The following SLC24A3 variants were observed in gnomAD, a reference collection of about 807,000 sequenced individuals.
The protein encoded by SLC24A3 is solute carrier family 24 member 3.
Under a neutral mutation model 75.8 loss-of-function variants are expected in SLC24A3, and 28 were observed. That is an observed-to-expected ratio of 0.37 (90% CI 0.27 to 0.51). SLC24A3 has a LOEUF of 0.51. SLC24A3 is among the 20% of genes least tolerant of loss of function. SLC24A3 has a pLI of 0.94. For synonymous variants in SLC24A3, 372 were observed against 334.1 expected (o/e 1.11, Z -1.24); for missense variants, 663 against 847.8 (o/e 0.78, Z 2.71).
At chr20:19,567,735 G>A (rs1008583706) in intron 3 of SLC24A3, among the ~76,000 whole-genome samples, 1 of 152,152 alleles carries the variant, frequency 6.6e-6, no homozygotes, top group African/African-American at 2.4e-5. Context: ...CAGAAAAATA[G>A]ATATATTGAC....
chr20:19,366,809 A>G (rs1490681251), intron 2 of SLC24A3, among the ~76,000 whole-genome samples: 2 of 152,228 alleles, frequency 1.3e-5, no homozygotes, highest in Admixed American at 6.5e-5. Context: ...AAGGTAAAAT[A>G]TCAGTAAAAG....
At chr20:19,432,122 G>A (rs953854662) in intron 2 of SLC24A3, among the ~76,000 whole-genome samples, 1 of 152,072 alleles carries the variant, frequency 6.6e-6, no homozygotes, top group African/African-American at 2.4e-5. Context: ...AGCAGGGAGA[G>A]GTCTTTGCTT....
intron 6 of SLC24A3, among the ~76,000 whole-genome samples, chr20:19,595,334 C>T (rs1347611137): frequency 6.6e-6 from 1 of 152,198 alleles, no homozygotes; most frequent in Non-Finnish European, 1.5e-5. Flanking sequence ...ATGGTAAGGG[C>T]TGAAGCATCT....
intron 2 of SLC24A3, among the ~76,000 whole-genome samples, chr20:19,404,245 A>G (rs1285801026): frequency 6.6e-6 from 1 of 152,240 alleles, no homozygotes; most frequent in Non-Finnish European, 1.5e-5. Context: ...TTAACAAAAC[A>G]GACCATGGCA....
chr20:19,476,758 A>G (rs1419141480), intron 2 of SLC24A3, among the ~76,000 whole-genome samples: 1 of 152,168 alleles, frequency 6.6e-6, no homozygotes, highest in African/African-American at 2.4e-5. Flanking sequence ...GTCAGTGTCC[A>G]TAATTATGGG....
At chr20:19,637,502 G>T (rs2032015766) in intron 6 of SLC24A3, among the ~76,000 whole-genome samples, 1 of 152,146 alleles carries the variant, frequency 6.6e-6, no homozygotes, top group African/African-American at 2.4e-5. Context: ...TTTTGAATAG[G>T]GAGTAGGCCA....
At chr20:19,616,471 G>C (rs1001212162) in intron 6 of SLC24A3, among the ~76,000 whole-genome samples, 1 of 152,202 alleles carries the variant, frequency 6.6e-6, no homozygotes, top group African/African-American at 2.4e-5. Context: ...AACATGTTAG[G>C]GGAGGTGGGG....
intron 2 of SLC24A3, among the ~76,000 whole-genome samples, chr20:19,419,370 T>C (rs922832497): frequency 2.0e-5 from 3 of 151,528 alleles, no homozygotes; most frequent in South Asian, 2.1e-4. Context: ...CTAGCTTCTT[T>C]TTTTTTTTTT....
chr20:19,294,825 T>G (rs1481715236), intron 2 of SLC24A3, among the ~76,000 whole-genome samples: 1 of 152,200 alleles, frequency 6.6e-6, no homozygotes, highest in East Asian at 1.9e-4. Context: ...CTGGGTCAAA[T>G]GGTATTTCTG....
intron 2 of SLC24A3, among the ~76,000 whole-genome samples, chr20:19,313,028 C>CTTTTTTTTTTTTT (rs747623530): frequency 1.5e-5 from 1 of 68,274 alleles, no homozygotes; most frequent in Non-Finnish European, 2.7e-5. Context: ...TTTTCTCTTG[C>CTTTTTTTTTTTTT]TTTTTTTTTT....
intron 1 of SLC24A3, among the ~76,000 whole-genome samples, chr20:19,229,606 AGT>A (rs1406063781): frequency 3.2e-5 from 3 of 94,392 alleles, no homozygotes; most frequent in East Asian, 9.4e-4. Context: ...AAGTTGTTGG[AGT>A]GTGTGTGTGT....
chr20:19,505,856 T>A (rs1988455364), intron 2 of SLC24A3, among the ~76,000 whole-genome samples: 2 of 152,202 alleles, frequency 1.3e-5, no homozygotes, highest in South Asian at 4.1e-4. Context: ...AGGTGCTTAG[T>A]ACAAAAGACA....
In SLC24A3 at chr20:19,304,478, C is replaced by G. The variant is rs142126384; in HGVS notation, c.271+23391C>G. On this transcript the variant is annotated intron_variant, in intron 2 of 16. Coordinates refer to ENST00000328041, the MANE Select transcript of SLC24A3 (RefSeq NM_020689.4). ...AAGACGTTCCATCTCATTTCCTATT[C>G]GTTAATTTGGTAGGCTTTTTTAATA... Among the ~76,000 whole-genome samples, 3 of 152,212 alleles carry G rather than the reference C, an allele frequency of 2.0e-5. No homozygotes were observed. In the South Asian group the frequency reaches 6.2e-4, roughly 32 times the overall value.
chr20:19,606,163 A>T lies in SLC24A3; in HGVS notation c.612+20619A>T, dbSNP rs546625672. On this transcript the variant is annotated intron_variant, in intron 6 of 16. Coordinates refer to ENST00000328041, the MANE Select transcript of SLC24A3 (RefSeq NM_020689.4). ...GCTCAATAGATTCCTCTCCCTGAAA[A>T]TTACCCAGGGGTGCAGGTGAGGCAG... Among the ~76,000 whole-genome samples, 3 of 152,278 alleles carry T rather than the reference A, an allele frequency of 2.0e-5. No individual in the cohort carries two copies. The South Asian group carries it at 6.2e-4, about 32-fold the overall frequency.
At chr20:19,310,151 C>A (rs879470203) in intron 2 of SLC24A3, among the ~76,000 whole-genome samples, 1 of 152,186 alleles carries the variant, frequency 6.6e-6, no homozygotes, top group Admixed American at 6.5e-5. Flanking sequence ...ACTGATTTTT[C>A]ATTTTCTTGA....
intron 9 of SLC24A3, among the ~76,000 whole-genome samples, chr20:19,681,276 T>A (rs755484830): frequency 2.6e-5 from 4 of 152,162 alleles, no homozygotes; most frequent in African/African-American, 9.7e-5. Flanking sequence ...GATCTGAAAC[T>A]TAGGCACGAT....
At chr20:19,579,929 G>C in intron 3 of SLC24A3, 71 bp from the exon 4 acceptor site, 1 of 1,144,940 alleles carries the variant, frequency 8.7e-7, no homozygotes. Context: ...CAAAGCAGAA[G>C]GTGGCTGGAC....
At chr20:19,326,189 G>A (rs1222692258) in intron 2 of SLC24A3, among the ~76,000 whole-genome samples, 1 of 152,030 alleles carries the variant, frequency 6.6e-6, no homozygotes, top group Non-Finnish European at 1.5e-5. Flanking sequence ...ATGCAAAGGG[G>A]GTAGTGCTTC....
intron 8 of SLC24A3, among the ~76,000 whole-genome samples, chr20:19,672,865 T>C (rs1364929733): frequency 6.6e-6 from 1 of 151,988 alleles, no homozygotes; most frequent in Non-Finnish European, 1.5e-5. Context: ...TAACCTGGAG[T>C]TTCCTCATCT....
Sources: allele counts gnomAD v4.1 joint callset (sites outside exome capture counted in the v4.1 genomes callset), GRCh38; gene constraint gnomAD v4.1.1; transcripts MANE v1.5; gene names NCBI Gene and HGNC (gene_info 2026-07-23, HGNC 2026-07-21).